The following IGF2BP2 variants were observed in gnomAD, a reference collection of about 807,000 sequenced individuals.
The protein encoded by IGF2BP2 is insulin-like growth factor 2 mRNA-binding protein 2.
In IGF2BP2, 17 loss-of-function variants were observed where a neutral mutation model predicts 75.8. The observed-to-expected ratio is 0.22, with a 90% CI of 0.15 to 0.34. The LOEUF (loss-of-function observed/expected upper bound fraction) is 0.34, where lower values mean the gene tolerates loss of function less well. IGF2BP2 is among the 10% of genes least tolerant of loss of function. The pLI is 1.00. For synonymous variants in IGF2BP2, 288 were observed against 295.6 expected, an observed-to-expected ratio of 0.97 and a Z score of 0.26; for missense variants, 516 against 772.4, an observed-to-expected ratio of 0.67 and a Z score of 3.93.
chr3:185,672,481 C>A, intron 10 of IGF2BP2, 60 bp downstream of exon 10: 1 of 1,541,058 alleles, frequency 6.5e-7, no homozygotes, highest in South Asian at 1.2e-5. Flanking sequence ...ACAGCAGAGG[C>A]ATGCTGCTGC....
At chr3:185,690,555 G>A (rs915215247) in intron 5 of IGF2BP2, among the ~76,000 whole-genome samples, 1 of 152,246 alleles carries the variant, frequency 6.6e-6, no homozygotes, top group African/African-American at 2.4e-5. Context: ...TTTTGCAACT[G>A]ATCCTTTATA....
intron 2 of IGF2BP2, among the ~76,000 whole-genome samples, chr3:185,725,508 G>A (rs568383137): frequency 6.6e-6 from 1 of 152,216 alleles, no homozygotes; most frequent in East Asian, 1.9e-4. Context: ...ATGACACCAA[G>A]GTTTGAACTA....
At chr3:185,646,987 A>C in intron 15 of IGF2BP2, 38 bp downstream of exon 15, 3 of 1,473,374 alleles carry the variant, frequency 2.0e-6, no homozygotes, top group Non-Finnish European at 2.9e-6. Flanking sequence ...AATTGAAAAG[A>C]GACTTGCAGG....
chr3:185,759,903 G>A (rs1199881897), intron 2 of IGF2BP2, among the ~76,000 whole-genome samples: 4 of 152,096 alleles, frequency 2.6e-5, no homozygotes, highest in Non-Finnish European at 4.4e-5. Context: ...TGATGAACCC[G>A]GCTTTAACAG....
chr3:185,784,247 C>T (rs1250778460), intron 2 of IGF2BP2, among the ~76,000 whole-genome samples: 5 of 139,982 alleles, frequency 3.6e-5, no homozygotes, highest in Non-Finnish European at 1.5e-5. Context: ...AATAAATAAA[C>T]AAGTAGATAG....
intron 1 of IGF2BP2, 84 bp from the exon 2 acceptor site, chr3:185,823,297 G>T: frequency 1.9e-6 from 2 of 1,073,902 alleles, no homozygotes; most frequent in Admixed American, 2.5e-5. Context: ...GGAACTCCAC[G>T]CTCGGGCTCC....
At chr3:185,804,797 G>A (rs1738779206) in intron 2 of IGF2BP2, among the ~76,000 whole-genome samples, 1 of 151,824 alleles carries the variant, frequency 6.6e-6, no homozygotes, top group African/African-American at 2.4e-5. Flanking sequence ...AGACCATCCT[G>A]GCTAACACAG....
chr3:185,724,352 G>A (rs1284172326), intron 2 of IGF2BP2: 1 of 152,226 alleles, frequency 6.6e-6, no homozygotes, highest in East Asian at 1.9e-4. Context: ...GACAAGTGGG[G>A]AGGTCAGAGT....
intron 14 of IGF2BP2, among the ~76,000 whole-genome samples, chr3:185,648,287 C>T (rs1713951092): frequency 6.6e-6 from 1 of 151,838 alleles, no homozygotes; most frequent in Non-Finnish European, 1.5e-5. Flanking sequence ...AATGGTGAAA[C>T]CCCGTCTATA....
In IGF2BP2 at chr3:185,662,920, T is replaced by A. The variant is rs199653720; in HGVS notation, c.1201-4511A>T. ...GTCTTGAACTCCTGACTTCAAATGA[T>A]CCATCTGCCTCGGCCTCCCAGAGTG... is the stretch of plus-strand genomic sequence containing the variant. On this transcript the variant is annotated intron_variant, in intron 10 of 15. Coordinates refer to ENST00000382199, the MANE Select transcript of IGF2BP2 (RefSeq NM_006548.6). Among the ~76,000 whole-genome samples the A allele has an allele frequency of 5.3e-5, 8 of 152,232 alleles. No individual in the cohort carries two copies. The East Asian group carries it at 1.5e-3, about 29-fold the overall frequency.
At chr3:185,774,046 T>G (rs554804777) in intron 2 of IGF2BP2, among the ~76,000 whole-genome samples, 1 of 152,316 alleles carries the variant, frequency 6.6e-6, no homozygotes, top group African/African-American at 2.4e-5. Flanking sequence ...AGCTGCCTGC[T>G]GTTCTCTACC....
At chr3:185,792,242 A>G (rs1025341088) in intron 2 of IGF2BP2, among the ~76,000 whole-genome samples, 2 of 152,194 alleles carry the variant, frequency 1.3e-5, no homozygotes, top group Admixed American at 1.3e-4. Context: ...CCTCCAAAAA[A>G]GCAGCTATAA....
rs201028543 is a variant in IGF2BP2, at chr3:185,689,459, C to A, written c.573G>T (p.Gln191His). The change falls in exon 6 of 16, where the codon CAG becomes CAT. Residue 191 changes from glutamine (Q) to histidine (H), a missense_variant. Transcript: ENST00000382199. The stretch of plus-strand genomic sequence containing the variant: ...CCAGGATCCGCAGCGGGAAATCAAT[C>A]TGTCTGGCCTGAGAAGTGCCCCCAG... ...HAPGGTSQAR[Q>H]IDFPLRILVP... 7 of 1,613,570 alleles carry A rather than the reference C, an allele frequency of 4.3e-6. No homozygotes were observed. Among genetic ancestry groups the A allele is most frequent in the Admixed American group, 1.7e-5 (1 of 59,978 alleles).
intron 2 of IGF2BP2, among the ~76,000 whole-genome samples, chr3:185,754,939 G>A (rs1731415939): frequency 6.6e-6 from 1 of 152,158 alleles, no homozygotes; most frequent in Non-Finnish European, 1.5e-5. Context: ...TATTTAAAAG[G>A]GAAGCACAGT....
chr3:185,737,994 A>T (rs1729070086), intron 2 of IGF2BP2, among the ~76,000 whole-genome samples: 1 of 152,258 alleles, frequency 6.6e-6, no homozygotes, highest in Admixed American at 6.5e-5. Flanking sequence ...TCCCAGAAAG[A>T]GTGTGCCAAT....
intron 14 of IGF2BP2, 98 bp downstream of exon 14, chr3:185,649,305 T>A: frequency 2.0e-6 from 3 of 1,482,294 alleles, no homozygotes; most frequent in East Asian, 2.3e-5. Context: ...TGACTGTACA[T>A]TGGGACAGAA....
At chr3:185,798,593 A>G (rs1001531118) in intron 2 of IGF2BP2, among the ~76,000 whole-genome samples, 4 of 152,056 alleles carry the variant, frequency 2.6e-5, no homozygotes, top group African/African-American at 9.7e-5. Context: ...CCCATTCATG[A>G]TTTATTTGAT....
rs534196175 is a variant in IGF2BP2 at position 185,696,795 on chromosome 3, T to A, written c.289-132A>T. 1.2e-3 allele frequency: 860 copies of A among 744,078 alleles called. 13 individuals carry two copies. In the South Asian group the frequency reaches 0.014, roughly 12 times the overall value. The allele number at this position is 744,078 out of a possible 1,614,324, so 46.1% of individuals were successfully genotyped here. A position where few individuals can be genotyped will look rare whatever the true frequency, so the allele number is the denominator to read the frequency against. On this transcript the variant is annotated intron_variant, in intron 3 of 15. Transcript: ENST00000382199. ...TATAGGAATAATCTAATTAAATTGA[T>A]ATCTCAGGTCTTCCATAAAAACAGT...
intron 2 of IGF2BP2, among the ~76,000 whole-genome samples, chr3:185,798,553 G>T (rs981992315): frequency 6.6e-6 from 1 of 152,082 alleles, no homozygotes; most frequent in African/African-American, 2.4e-5. Flanking sequence ...TGTAATTATT[G>T]TATTGTTGAT....
Sources: gnomAD v4.1 joint callset for allele counts (sites outside exome capture counted in the v4.1 genomes callset) on GRCh38, gnomAD v4.1.1 for gene constraint, MANE v1.5 for transcripts, NCBI Gene and HGNC (gene_info 2026-07-23, HGNC 2026-07-21) for gene names.